The following TENM3 variants were observed in gnomAD, a reference collection of about 807,000 sequenced individuals.
TENM3 encodes teneurin-3.
TENM3 carries 63 observed loss-of-function variants against 255.1 expected under a neutral mutation model. The ratio of observed to expected loss-of-function variants is 0.25; its 90% confidence interval spans 0.20 to 0.30. TENM3 has a LOEUF of 0.30. Among genes scored for constraint, TENM3 ranks in the 10% least tolerant of loss-of-function variants. The pLI is 1.00. For synonymous variants in TENM3, 1,306 were observed against 1,322.3 expected, an observed-to-expected ratio of 0.99 and a Z score of 0.27; for missense variants, 2,929 against 3,461.1, an observed-to-expected ratio of 0.85 and a Z score of 3.86.
intron 14 of TENM3, 22 bp downstream of exon 14, chr4:182,729,203 G>A: frequency 6.3e-7 from 1 of 1,579,380 alleles, no homozygotes; most frequent in Non-Finnish European, 8.7e-7. Context: ...TTTTCCATAT[G>A]TAGATTTGTA....
At chr4:182,294,194 C>T (rs1050417971) in intron 1 of TENM3, among the ~76,000 whole-genome samples, 5 of 152,110 alleles carry the variant, frequency 3.3e-5, no homozygotes, top group Non-Finnish European at 7.4e-5. Flanking sequence ...AAACTTCAGT[C>T]GTGGTTGTGA....
the TENM3 span, among the ~76,000 whole-genome samples, chr4:181,824,475 T>C: frequency 6.6e-6 from 1 of 152,130 alleles, no homozygotes; most frequent in Non-Finnish European, 1.5e-5. Flanking sequence ...TCAGCAAACA[T>C]TTTTTGGTAG....
chr4:182,699,471 T>C (rs987588839), intron 12 of TENM3, among the ~76,000 whole-genome samples: 3 of 152,210 alleles, frequency 2.0e-5, no homozygotes, highest in African/African-American at 7.2e-5. Context: ...CAGTTTACTG[T>C]GTAGTGGCTC....
At chr4:182,074,537 G>T in the TENM3 span, among the ~76,000 whole-genome samples, 1 of 152,276 alleles carries the variant, frequency 6.6e-6, no homozygotes, top group East Asian at 1.9e-4. Flanking sequence ...AAGAGTTTTT[G>T]TTTGAAGGAG....
At chr4:181,548,607 G>T in the TENM3 span, among the ~76,000 whole-genome samples, 3 of 152,182 alleles carry the variant, frequency 2.0e-5, no homozygotes, top group African/African-American at 4.8e-5. Flanking sequence ...TCCTCAGGAA[G>T]CTTTTTGATG....
chr4:181,864,689 C>T, the TENM3 span, among the ~76,000 whole-genome samples: 1 of 152,068 alleles, frequency 6.6e-6, no homozygotes, highest in Non-Finnish European at 1.5e-5. Flanking sequence ...TGACAACAAG[C>T]TGATGGGTTA....
the TENM3 span, among the ~76,000 whole-genome samples, chr4:181,926,626 C>A: frequency 4.6e-5 from 7 of 152,128 alleles, no homozygotes; most frequent in South Asian, 1.5e-3. Flanking sequence ...ATTTCCCTAC[C>A]TTTAATGAAA....
chr4:181,939,449 G>A, the TENM3 span, among the ~76,000 whole-genome samples: 1 of 152,212 alleles, frequency 6.6e-6, no homozygotes, highest in Non-Finnish European at 1.5e-5. Flanking sequence ...AATAAGAACC[G>A]CAGAGAAAGA....
chr4:182,633,954 T>C (rs1157087629), intron 5 of TENM3, among the ~76,000 whole-genome samples: 1 of 152,222 alleles, frequency 6.6e-6, no homozygotes, highest in Non-Finnish European at 1.5e-5. Context: ...CAAGCATTCC[T>C]GTGCCTAGGA....
At chr4:182,361,082 G>A (rs1197475445) in intron 3 of TENM3, among the ~76,000 whole-genome samples, 5 of 152,252 alleles carry the variant, frequency 3.3e-5, no homozygotes, top group South Asian at 2.1e-4. Context: ...AGTTTCTGCC[G>A]AGAGATCCGC....
At chr4:181,653,580 T>C in the TENM3 span, among the ~76,000 whole-genome samples, 25,888 of 151,964 alleles carry the variant, frequency 0.17, 2,627 homozygotes, top group Non-Finnish European at 0.23. Context: ...TTTGTATTTT[T>C]AGTAGAGACG....
chr4:181,567,721 T>C, the TENM3 span, among the ~76,000 whole-genome samples: 1 of 152,218 alleles, frequency 6.6e-6, no homozygotes, highest in African/African-American at 2.4e-5. Flanking sequence ...TCTTTTTTAC[T>C]CTTTTATAGA....
At chr4:182,650,889 A>AAAAATATATATAT (rs1281790163) in intron 5 of TENM3, among the ~76,000 whole-genome samples, 1 of 29,768 alleles carries the variant, frequency 3.4e-5, no homozygotes, top group South Asian at 8.9e-4. Flanking sequence ...AATAAAAAAA[A>AAAAATATATATAT]ATATATATAT....
At chr4:181,836,846 A>T in the TENM3 span, among the ~76,000 whole-genome samples, 1 of 152,192 alleles carries the variant, frequency 6.6e-6, no homozygotes, top group Non-Finnish European at 1.5e-5. Context: ...TCCATAGTTC[A>T]ATCTGAAGGA....
rs1185266381 is a variant in TENM3 at position 182,382,720 on chromosome 4, G to GA, written c.511+35794dup. Among the ~76,000 whole-genome samples, 3 of 152,276 alleles carry GA rather than the reference G, an allele frequency of 2.0e-5. No individual in the cohort carries two copies. In the East Asian group the frequency reaches 5.8e-4, roughly 29 times the overall value. On this transcript the variant is annotated intron_variant, in intron 3 of 27. Coordinates refer to ENST00000511685, the MANE Select transcript of TENM3 (RefSeq NM_001080477.4). ...TTCAGCCAGATCCACTCTGCACATT[G>GA]AAAGGCAGGCAGAGGTCGAAGCCAT...
the TENM3 span, among the ~76,000 whole-genome samples, chr4:181,850,163 T>C: frequency 0.019 from 2,941 of 152,102 alleles, 45 homozygotes; most frequent in Middle Eastern, 0.048. Context: ...TCGTTTTATC[T>C]TTAATTTTAT....
intron 16 of TENM3, among the ~76,000 whole-genome samples, chr4:182,734,975 A>G (rs1263697518): frequency 1.3e-5 from 2 of 152,218 alleles, no homozygotes; most frequent in Non-Finnish European, 1.5e-5. Flanking sequence ...GATGGGCTTT[A>G]GGGTTAAATC....
intron 22 of TENM3, among the ~76,000 whole-genome samples, chr4:182,770,444 A>T (rs1172225975): frequency 6.6e-6 from 1 of 151,924 alleles, no homozygotes; most frequent in Non-Finnish European, 1.5e-5. Context: ...CTGCACCCCG[A>T]CACCTTCCTC....
At chr4:181,450,242 ACAT>A in the TENM3 span, among the ~76,000 whole-genome samples, 45 of 152,284 alleles carry the variant, frequency 3.0e-4, no homozygotes, top group East Asian at 7.7e-3. Context: ...TCATTTTAAT[ACAT>A]AACTATAATT....
Sources: allele counts gnomAD v4.1 joint callset (sites outside exome capture counted in the v4.1 genomes callset), GRCh38; gene constraint gnomAD v4.1.1; transcripts MANE v1.5; gene names NCBI Gene and HGNC (gene_info 2026-07-23, HGNC 2026-07-21).